NTM: variants seen among roughly 807,000 people sequenced by gnomAD.
The protein encoded by NTM is neurotrimin.
Under a neutral mutation model 42.1 loss-of-function variants are expected in NTM, and 13 were observed. The observed-to-expected ratio is 0.31, with a 90% CI of 0.20 to 0.49. The LOEUF (loss-of-function observed/expected upper bound fraction) is 0.49, where lower values mean the gene tolerates loss of function less well. Among genes scored for constraint, NTM ranks in the 20% least tolerant of loss-of-function variants. The pLI is 0.99. For synonymous variants in NTM, 187 were observed against 179.2 expected (o/e 1.04, Z -0.35); for missense variants, 373 against 452.8 (o/e 0.82, Z 1.60).
intron 1 of NTM, among the ~76,000 whole-genome samples, chr11:131,747,052 A>T (rs1591570110): frequency 1.3e-5 from 2 of 152,246 alleles, no homozygotes; most frequent in Admixed American, 1.3e-4. Flanking sequence ...GCATTCTGTT[A>T]TACATATATG....
chr11:131,465,315 G>A (rs1951782858), intron 1 of NTM, among the ~76,000 whole-genome samples: 1 of 152,172 alleles, frequency 6.6e-6, no homozygotes. Flanking sequence ...CCCCACACAC[G>A]TACCATAGCC....
chr11:131,667,258 G>T (rs1046532203), intron 1 of NTM, among the ~76,000 whole-genome samples: 2 of 152,090 alleles, frequency 1.3e-5, no homozygotes, highest in Non-Finnish European at 2.9e-5. Context: ...CTGCTCTTCC[G>T]TGGGTTGTTC....
intron 3 of NTM, among the ~76,000 whole-genome samples, chr11:132,184,258 C>T (rs1301230356): frequency 1.3e-5 from 2 of 152,166 alleles, no homozygotes; most frequent in Non-Finnish European, 2.9e-5. Context: ...CTCTTTGCTC[C>T]TTTGCTCTGT....
intron 4 of NTM, among the ~76,000 whole-genome samples, chr11:132,282,976 CTTTTTTTTTTTTTTTTT>C (rs142817071): frequency 9.2e-6 from 1 of 109,012 alleles, no homozygotes. Context: ...TCCTTTATTC[CTTTTTTTTTTTTTTTTT>C]TTTTTTTTAT....
At chr11:132,154,582 G>C (rs2072742366) in intron 3 of NTM, among the ~76,000 whole-genome samples, 1 of 152,170 alleles carries the variant, frequency 6.6e-6, no homozygotes, top group South Asian at 2.1e-4. Flanking sequence ...GTGCTGTCAT[G>C]GTGATGATCA....
At chr11:131,683,071 C>T (rs536393720) in intron 1 of NTM, among the ~76,000 whole-genome samples, 1 of 152,204 alleles carries the variant, frequency 6.6e-6, no homozygotes, top group African/African-American at 2.4e-5. Flanking sequence ...TAACAACCCA[C>T]AGTCATCTGC....
intron 1 of NTM, among the ~76,000 whole-genome samples, chr11:131,420,238 A>G (rs1370893118): frequency 6.6e-6 from 1 of 152,152 alleles, no homozygotes; most frequent in Non-Finnish European, 1.5e-5. Context: ...TGCAATGGCA[A>G]AGGTCCTTAT....
chr11:131,854,739 T>C (rs953769730), intron 1 of NTM, among the ~76,000 whole-genome samples: 6 of 152,188 alleles, frequency 3.9e-5, no homozygotes, highest in African/African-American at 1.4e-4. Context: ...AGAGTGAATA[T>C]TTAATTTATT....
At chr11:132,054,801 T>G (rs1261761207) in intron 2 of NTM, among the ~76,000 whole-genome samples, 3 of 152,214 alleles carry the variant, frequency 2.0e-5, no homozygotes, top group Admixed American at 1.3e-4. Flanking sequence ...TTCCAAAAGC[T>G]AACCCAAGTA....
chr11:132,043,785 A>G (rs2077518210), intron 2 of NTM, among the ~76,000 whole-genome samples: 1 of 152,136 alleles, frequency 6.6e-6, no homozygotes, highest in African/African-American at 2.4e-5. Context: ...TGGAGGGGAG[A>G]GGAGAGAGGT....
At chr11:131,466,531 T>C (rs952837134) in intron 1 of NTM, among the ~76,000 whole-genome samples, 5 of 152,108 alleles carry the variant, frequency 3.3e-5, no homozygotes, top group African/African-American at 1.2e-4. Flanking sequence ...CTCCCTGGGG[T>C]TGTGCAGGCT....
intron 1 of NTM, among the ~76,000 whole-genome samples, chr11:131,434,237 G>T (rs1017429480): frequency 2.0e-5 from 3 of 152,150 alleles, no homozygotes; most frequent in African/African-American, 7.2e-5. Context: ...GAATAGTGCC[G>T]CAGTAAACAT....
chr11:131,565,098 G>T (rs1472060474), intron 1 of NTM, among the ~76,000 whole-genome samples: 2 of 152,138 alleles, frequency 1.3e-5, no homozygotes, highest in Non-Finnish European at 2.9e-5. Context: ...ACTTCTGAGG[G>T]AGCTGCAGAC....
At chr11:131,609,821 G>A (rs116468794) in intron 1 of NTM, among the ~76,000 whole-genome samples, 2,046 of 152,266 alleles carry the variant, frequency 0.013, 48 homozygotes, top group African/African-American at 0.046. Flanking sequence ...ATTAGGATGT[G>A]GGTTTAAGGT....
chr11:131,983,496 C>T (rs2134962746), intron 2 of NTM, among the ~76,000 whole-genome samples: 1 of 151,646 alleles, frequency 6.6e-6, no homozygotes, highest in Admixed American at 6.6e-5. Flanking sequence ...CTACATCAGC[C>T]TCCCAAGTAG....
intron 1 of NTM, among the ~76,000 whole-genome samples, chr11:131,679,366 T>C (rs2072010501): frequency 6.6e-6 from 1 of 152,044 alleles, no homozygotes; most frequent in African/African-American, 2.4e-5. Context: ...CTAGATCAAA[T>C]GGAGGAAAGG....
intron 2 of NTM, among the ~76,000 whole-genome samples, chr11:131,950,813 C>T (rs1239590592): frequency 6.6e-6 from 1 of 152,204 alleles, no homozygotes; most frequent in East Asian, 1.9e-4. Flanking sequence ...CTAATCCTCC[C>T]ACGCATGGCC....
intron 1 of NTM, among the ~76,000 whole-genome samples, chr11:131,589,508 A>T (rs2059175757): frequency 6.6e-6 from 1 of 152,172 alleles, no homozygotes; most frequent in African/African-American, 2.4e-5. Context: ...GCAGAGGCAA[A>T]ACAACCCTGT....
intron 1 of NTM, among the ~76,000 whole-genome samples, chr11:131,387,882 C>T (rs1943522227): frequency 6.6e-6 from 1 of 152,198 alleles, no homozygotes; most frequent in Non-Finnish European, 1.5e-5. Context: ...TTCCTGGGGA[C>T]CCCGGTTTCT....
Sources: gnomAD v4.1 joint callset for allele counts (sites outside exome capture counted in the v4.1 genomes callset) on GRCh38, gnomAD v4.1.1 for gene constraint, MANE v1.5 for transcripts, NCBI Gene and HGNC (gene_info 2026-07-23, HGNC 2026-07-21) for gene names.